Variants in RAB8A observed in about 807,000 individuals in gnomAD.
The protein encoded by RAB8A is ras-related protein Rab-8A.
Under a neutral mutation model 29.2 loss-of-function variants are expected in RAB8A, and 5 were observed. That is an observed-to-expected ratio of 0.17 (90% CI 0.09 to 0.36). RAB8A has a LOEUF of 0.36. Ranked by LOEUF, RAB8A falls within the 10% of genes least tolerant of loss-of-function variation. The pLI, the probability that RAB8A is intolerant of heterozygous loss-of-function variation, is 1.00. For missense variants in RAB8A, 171 were observed against 272.2 expected, an observed-to-expected ratio of 0.63 and a Z score of 2.62; for synonymous variants, 108 against 99.9, an observed-to-expected ratio of 1.08 and a Z score of -0.49.
intron 7 of RAB8A, among the ~76,000 whole-genome samples, chr19:16,130,765 C>T (rs2090921326): frequency 6.6e-6 from 1 of 152,120 alleles, no homozygotes; most frequent in African/African-American, 2.4e-5. Flanking sequence ...ATCCTCCCAC[C>T]TCCGCCTCCC....
intron 6 of RAB8A, 98 bp from the exon 7 acceptor site, chr19:16,129,456 C>T (rs904830606): frequency 3.5e-5 from 43 of 1,213,600 alleles, no homozygotes; most frequent in Admixed American, 1.0e-4. Flanking sequence ...ATGGGAGGCC[C>T]ACGCCTGGGA....
intron 1 of RAB8A, 55 bp from the exon 2 acceptor site, chr19:16,118,171 A>G: frequency 6.5e-7 from 1 of 1,541,968 alleles, no homozygotes; most frequent in Admixed American, 1.7e-5. Flanking sequence ...CCCAGCTCAG[A>G]CACAACTTGG....
rs923257553 is a variant in RAB8A at position 16,127,662 on chromosome 19, C to T, written c.414+136C>T. 2 of 684,938 alleles carry T rather than the reference C, an allele frequency of 2.9e-6. No homozygotes were observed. Among genetic ancestry groups the T allele is most frequent in the African/African-American group, 3.6e-5 (2 of 55,524 alleles). The allele number at this position is 684,938 out of a possible 1,614,324, so 42.4% of individuals were successfully genotyped here. A position where few individuals can be genotyped will look rare whatever the true frequency, so the allele number is the denominator to read the frequency against. ...CAGTGGGGCACGTGCCATGGGATGA[C>T]AGAAGCACACACCCAGCCGGGGCTT... On this transcript the variant is annotated intron_variant, in intron 5 of 7. Coordinates refer to ENST00000300935, the MANE Select transcript of RAB8A (RefSeq NM_005370.5). The surrounding 1 kb of genome is among the most constrained non-coding windows in gnomAD (Gnocchi z 4.8).
rs1370631062 is a variant in RAB8A at position 16,133,409 on chromosome 19, C to G, written c.*1105C>G. ...ATAGGGACTGCGACTGGGACCAGGTCAACCACGCCAGGGGGGTGTCACCAG... is the reference window on the plus strand; with the variant it reads ...ATAGGGACTGCGACTGGGACCAGGTGAACCACGCCAGGGGGGTGTCACCAG... On this transcript the variant is annotated 3_prime_UTR_variant, in exon 8 of 8. Transcript: ENST00000300935. 6.6e-6 allele frequency: 1 copy of G among 151,962 alleles called. No homozygotes were observed. The highest frequency in any genetic ancestry group is 2.4e-5 in the African/African-American group (1 of 41,278). The allele number at this position is 151,962 out of a possible 1,614,324, so 9.4% of individuals were successfully genotyped here. A position where few individuals can be genotyped will look rare whatever the true frequency, so the allele number is the denominator to read the frequency against.
intron 3 of RAB8A, 27 bp downstream of exon 3, chr19:16,121,837 T>C (rs1568320373): frequency 2.5e-6 from 4 of 1,595,956 alleles, no homozygotes; most frequent in African/African-American, 1.3e-5. Flanking sequence ...TGGTTGTTTT[T>C]ATCTGCTTTT....
chr19:16,114,577 G>C (rs1265743174), intron 1 of RAB8A, among the ~76,000 whole-genome samples: 1 of 143,848 alleles, frequency 7.0e-6, no homozygotes, highest in Non-Finnish European at 1.5e-5. Context: ...TTTTAGTAGA[G>C]ATGGGGTTTC....
chr19:16,113,689 C>T (rs754339646), intron 1 of RAB8A, among the ~76,000 whole-genome samples: 4 of 152,182 alleles, frequency 2.6e-5, no homozygotes, highest in African/African-American at 4.8e-5. Context: ...CATGAGCCAC[C>T]GCACCCAGCG....
Position 16,127,387 on chromosome 19 carries a change from C to G in RAB8A, c.325-50C>G. On this transcript the variant is annotated intron_variant, in intron 4 of 7. Coordinates refer to ENST00000300935, the MANE Select transcript of RAB8A (RefSeq NM_005370.5). This position sits in a 1 kb window ranked among gnomAD's most constrained non-coding sequence, Gnocchi z 4.8. ...ACAGACTGTGTGTTGGCAGAGGCAC[C>G]TGGCCTGTGTCATCCGGTCTGATCC... 7.9e-7 allele frequency: 1 copy of G among 1,266,024 alleles called. No individual in the cohort carries two copies. Among genetic ancestry groups the G allele is most frequent in the Non-Finnish European group, 1.1e-6 (1 of 951,692 alleles). 78.4% of individuals were successfully genotyped at this position (1,266,024 alleles called of 1,614,324 possible). A position where few individuals can be genotyped will look rare whatever the true frequency, so the allele number is the denominator to read the frequency against.
At chr19:16,129,022 C>G (rs568677275) in intron 6 of RAB8A, among the ~76,000 whole-genome samples, 1 of 152,222 alleles carries the variant, frequency 6.6e-6, no homozygotes, top group Non-Finnish European at 1.5e-5. Context: ...AACCTGCTCC[C>G]GCTCCCAGCC....
intron 7 of RAB8A, among the ~76,000 whole-genome samples, chr19:16,131,547 A>T (rs1461172528): frequency 6.7e-6 from 1 of 148,590 alleles, no homozygotes; most frequent in Non-Finnish European, 1.5e-5. Flanking sequence ...TTAGAAGGAG[A>T]TGGTTAGTTG....
At chr19:16,124,489 C>CAGG (rs2090888996) in intron 3 of RAB8A, 1 of 152,336 alleles carries the variant, frequency 6.6e-6, no homozygotes, top group African/African-American at 2.4e-5. Flanking sequence ...GGAAGAAATC[C>CAGG]AGGCCTGGCC....
At position 16,118,326 on chromosome 19, in the gene RAB8A, A is replaced by G. The variant is rs543266990; in HGVS notation, c.185+40A>G. ...TCTCTGTCATTCTCTCCACCTGGCA[A>G]TGGCTTCAAGCCAGAAGCCCTTGGC... is the stretch of plus-strand genomic sequence containing the variant. On this transcript the variant is annotated intron_variant, in intron 2 of 7. Transcript: ENST00000300935. 40 of 1,582,226 alleles carry G rather than the reference A, an allele frequency of 2.5e-5. No individual in the cohort carries two copies. In the African/African-American group the frequency reaches 3.5e-4, roughly 14 times the overall value.
In RAB8A at chr19:16,118,216, T is replaced by C. The variant is rs1207933557; in HGVS notation, c.125-10T>C. 1 of 1,605,992 alleles carries C rather than the reference T, an allele frequency of 6.2e-7. No individual in the cohort carries two copies. The highest frequency in any genetic ancestry group is 8.5e-7 in the Non-Finnish European group (1 of 1,179,284). On this transcript the variant is annotated splice_polypyrimidine_tract_variant and intron_variant, in intron 1 of 7. Transcript: ENST00000300935. ...TGACAGTGACGTGCCTTTTTTCTTTTTTCTTTCAGGAATTGACTTTAAAAT... is the reference window on the plus strand; with the variant it reads ...TGACAGTGACGTGCCTTTTTTCTTTCTTCTTTCAGGAATTGACTTTAAAAT...
At position 16,111,968 on chromosome 19, in the gene RAB8A, T is replaced by A; in HGVS notation, c.67T>A (p.Cys23Ser). 1 of 1,614,016 alleles carries A rather than the reference T, an allele frequency of 6.2e-7. No individual in the cohort carries two copies. Residue 23 changes from cysteine to serine, a missense_variant, in exon 1 of 8, where the codon TGT (cysteine) becomes AGT (serine). This residue lies in a region of RAB8A where 26 missense variants were observed against 42.9 expected (regional missense o/e 0.61). Transcript: ENST00000300935. ...CGGGGACTCGGGGGTGGGGAAGACC[T>A]GTGTCCTGTTCCGCTTCTCCGAGGA... ...LIGDSGVGKTCVLFRFSEDAF... is the reference protein window; with the variant it reads ...LIGDSGVGKTSVLFRFSEDAF...
chr19:16,131,426 ATAGATGATTGGTTTGT>A (rs1472649818), intron 7 of RAB8A, among the ~76,000 whole-genome samples: 1 of 151,684 alleles, frequency 6.6e-6, no homozygotes, highest in East Asian at 1.9e-4. Flanking sequence ...GGTTGGATAG[ATAGATGATTGGTTTGT>A]TGGTTGGTTG....
chr19:16,115,894 G>A (rs766366206), intron 1 of RAB8A, among the ~76,000 whole-genome samples: 5 of 152,146 alleles, frequency 3.3e-5, no homozygotes, highest in Non-Finnish European at 7.4e-5. Flanking sequence ...TGGGTTCAGA[G>A]AGGCCCAGCC....
At chr19:16,119,493 C>T (rs925278341) in intron 2 of RAB8A, among the ~76,000 whole-genome samples, 3 of 152,184 alleles carry the variant, frequency 2.0e-5, no homozygotes, top group African/African-American at 7.2e-5. Context: ...GCGTGAGCCA[C>T]CACGCCCGGC....
intron 1 of RAB8A, chr19:16,112,418 A>G (rs1415141924): frequency 9.3e-6 from 2 of 214,882 alleles, no homozygotes; most frequent in East Asian, 1.3e-4. Context: ...AGACAGTGGC[A>G]TCTCACCTTA....
chr19:16,112,129 C>G (rs915366119), intron 1 of RAB8A, 104 bp downstream of exon 1: 156 of 1,480,676 alleles, frequency 1.1e-4, no homozygotes, highest in Non-Finnish European at 1.3e-4. Context: ...GCCGAGGGCG[C>G]TGAGAGGGTC....
Sources: allele counts gnomAD v4.1 joint callset (sites outside exome capture counted in the v4.1 genomes callset), GRCh38; gene constraint gnomAD v4.1.1; regional missense constraint gnomAD v4.1.1; non-coding constraint Gnocchi (gnomAD v3.1); transcripts MANE v1.5; gene names NCBI Gene and HGNC (gene_info 2026-07-23, HGNC 2026-07-21).